The following FLT3LG variants were observed in gnomAD, a reference collection of about 807,000 sequenced individuals.
The protein encoded by FLT3LG is fms related receptor tyrosine kinase 3 ligand, also known as fms-related tyrosine kinase 3 ligand.
In FLT3LG, 8 loss-of-function variants were observed where a neutral mutation model predicts 30.9. The observed-to-expected ratio is 0.26, with a 90% CI of 0.15 to 0.47. The LOEUF is 0.47. Among genes scored for constraint, FLT3LG ranks in the 20% least tolerant of loss-of-function variants. The pLI is 0.99. For missense variants in FLT3LG, 278 were observed against 306.2 expected (o/e 0.91, Z 0.69); for synonymous variants, 123 against 135.9 (o/e 0.91, Z 0.66).
Position 49,478,159 on chromosome 19 carries a change from TATAAATAA to T in FLT3LG, c.343-730_343-723del, listed in dbSNP as rs60871456. ...GAGAAACCCCGTTTCTACTAAAAAA[TATAAATAA>T]ATAAATAAATAAATAAATAGGCTGG... On this transcript the variant is annotated intron_variant, in intron 5 of 8. Coordinates refer to ENST00000597551, the MANE Select transcript of FLT3LG (RefSeq NM_001459.4). Among the ~76,000 whole-genome samples the T allele has an allele frequency of 9.7e-3, 1,359 of 140,402 alleles. 20 individuals are homozygous for T. Among genetic ancestry groups the T allele is most frequent in the African/African-American group, 0.033 (1,273 of 38,126 alleles). 92.1% of individuals were successfully genotyped at this position (140,402 alleles called of 152,430 possible).
At position 49,476,533 on chromosome 19, in the gene FLT3LG, G is replaced by T. The variant is rs758534099; in HGVS notation, c.309G>T (p.Thr103=). 1.7e-5 allele frequency: 28 copies of T among 1,614,048 alleles called. No individual in the cohort carries two copies. The highest frequency in any genetic ancestry group is 2.4e-5 in the Non-Finnish European group (28 of 1,180,032). The change falls in exon 5 of 9, where the codon ACG becomes ACT. Residue 103 remains threonine (T), a synonymous_variant. Transcript: ENST00000597551. This position sits in a 1 kb window ranked among gnomAD's most constrained non-coding sequence, Gnocchi z 5.3. Reference sequence around the variant, plus strand: ...AAGGCTTGCTGGAGCGCGTGAACACGGAGATACACTTTGTCACCAAATGTG... The same window carrying T: ...AAGGCTTGCTGGAGCGCGTGAACACTGAGATACACTTTGTCACCAAATGTG... ...KMQGLLERVN[T]EIHFVTKCAF...
chr19:49,475,759 C>G lies in FLT3LG; in HGVS notation c.102C>G (p.His34Gln). 1 of 1,612,638 alleles carries G rather than the reference C, an allele frequency of 6.2e-7. No individual in the cohort carries two copies. Among genetic ancestry groups the G allele is most frequent in the Non-Finnish European group, 8.5e-7 (1 of 1,179,906 alleles). Residue 34 changes from histidine to glutamine, a missense_variant, in exon 3 of 9, where the codon CAC (histidine) becomes CAG (glutamine). Physicochemically the swap from His to Gln is conservative, Grantham distance 24. Around this residue, in one of 3 missense-constraint regions of FLT3LG, gnomAD observed 68 missense variants for 110.0 expected, o/e 0.62. Coordinates refer to ENST00000597551, the MANE Select transcript of FLT3LG (RefSeq NM_001459.4). ...LSGTQDCSFQ[H>Q]SPISSDFAVK... ...GGACCCAGGACTGCTCCTTCCAACA[C>G]AGCCCCATCTCCTCCGACTTCGCTG...
chr19:49,478,865 TG>T, intron 5 of FLT3LG, 43 bp from the exon 6 acceptor site: 2 of 1,464,526 alleles, frequency 1.4e-6, no homozygotes, highest in Non-Finnish European at 9.1e-7. Context: ...GGAGGGGCGG[TG>T]GGGGGATGAC....
intron 1 of FLT3LG, 47 bp downstream of exon 1, chr19:49,474,328 G>C (rs1440027164): frequency 3.7e-6 from 2 of 539,922 alleles, no homozygotes; most frequent in Non-Finnish European, 6.6e-6. Flanking sequence ...GCGGAGCCAG[G>C]GTCCCCACTC....
chr19:49,476,941 G>A lies in FLT3LG; in HGVS notation c.342+375G>A, dbSNP rs893364092. Among the ~76,000 whole-genome samples, 40 of 152,008 alleles carry A rather than the reference G, an allele frequency of 2.6e-4. No individual in the cohort carries two copies. The highest frequency in any genetic ancestry group is 8.9e-4 in the African/African-American group (37 of 41,376). ...GTGGGCGGATCACTTGAGGTCAGGA[G>A]TTTGAGACCAGCCTGGCCAACATGA... On this transcript the variant is annotated intron_variant, in intron 5 of 8. Transcript: ENST00000597551. The surrounding 1 kb of genome is among the most constrained non-coding windows in gnomAD (Gnocchi z 5.3).
chr19:49,474,525 G>T, intron 1 of FLT3LG, 78 bp from the exon 2 acceptor site: 1 of 1,032,188 alleles, frequency 9.7e-7, no homozygotes. Flanking sequence ...GACGCGGGAG[G>T]GGCGGGGAGG....
intron 8 of FLT3LG, chr19:49,482,170 G>C (rs1415930267): frequency 6.6e-6 from 1 of 150,760 alleles, no homozygotes; most frequent in Non-Finnish European, 1.5e-5. Context: ...CTGTCGCCCA[G>C]GCTGTAGTGC....
Position 49,480,369 on chromosome 19 carries a change from C to T in FLT3LG, c.553C>T (p.Pro185Ser), listed in dbSNP as rs370187231. The change falls in exon 7 of 9, where the codon CCT (proline) becomes TCT (serine). Residue 185 changes from proline (P) to serine (S), a missense_variant. Around this residue, in one of 3 missense-constraint regions of FLT3LG, gnomAD observed 170 missense variants for 162.0 expected, o/e 1.05. Coordinates refer to ENST00000597551, the MANE Select transcript of FLT3LG (RefSeq NM_001459.4). The part of the protein sequence containing the change: ...EATAPTAPQP[P>S]LLLLLLLPVG... The stretch of plus-strand genomic sequence containing the variant: ...CACAGCCCCGACAGCCCCGCAGCCC[C>T]CTCTGCTCCTCCTACTGCTGCTGCC... The T allele has an allele frequency of 1.2e-6, 2 of 1,610,474 alleles. No individual in the cohort carries two copies. Among genetic ancestry groups the T allele is most frequent in the Non-Finnish European group, 8.5e-7 (1 of 1,178,740 alleles).
chr19:49,486,183 C>G lies in FLT3LG; in HGVS notation c.*190C>G, dbSNP rs1601152679. ...CCGGCCCCATTTACCCAACTCTGTA[C>G]AAAGCCCTTGTCCCCATGAAATTGT... On this transcript the variant is annotated 3_prime_UTR_variant, in exon 9 of 9. Coordinates refer to ENST00000597551, the MANE Select transcript of FLT3LG (RefSeq NM_001459.4). The G allele has an allele frequency of 1.3e-5, 2 of 152,818 alleles. No individual in the cohort carries two copies. Among genetic ancestry groups the G allele is most frequent in the Admixed American group, 6.5e-5 (1 of 15,288 alleles). 9.5% of individuals were successfully genotyped at this position (152,818 alleles called of 1,614,324 possible).
rs752351114 is a variant in FLT3LG, at chr19:49,478,910, C to G, written c.344C>G (p.Pro115Arg). Residue 115 changes from proline (P) to arginine (R), a missense_variant and splice_region_variant, in exon 6 of 9, where the codon CCC becomes CGC. Physicochemically the swap from Pro to Arg is moderately radical, Grantham distance 103. Coordinates refer to ENST00000597551, the MANE Select transcript of FLT3LG (RefSeq NM_001459.4). ...IHFVTKCAFQ[P>R]PPSCLRFVQT... is the part of the protein sequence containing the mutation. ...GACGTCTCCCTCCCCTGCTCCCAGC[C>G]CCCCCCCAGCTGTCTTCGCTTCGTC... 38 of 1,528,458 alleles carry G rather than the reference C, an allele frequency of 2.5e-5. No individual in the cohort carries two copies. Among genetic ancestry groups the G allele is most frequent in the South Asian group, 4.9e-5 (4 of 81,740 alleles). 94.7% of individuals were successfully genotyped at this position (1,528,458 alleles called of 1,614,324 possible). A position where few individuals can be genotyped will look rare whatever the true frequency, so the allele number is the denominator to read the frequency against.
chr19:49,477,647 C>A (rs2079440729), intron 5 of FLT3LG, among the ~76,000 whole-genome samples: 1 of 151,978 alleles, frequency 6.6e-6, no homozygotes, highest in African/African-American at 2.4e-5. Context: ...GAGACTGAGG[C>A]AGGAGAATTG....
rs768943794 is a variant in FLT3LG, at chr19:49,480,316, C to T, written c.500C>T (p.Pro167Leu). The T allele has an allele frequency of 6.2e-7, 1 of 1,604,272 alleles. No homozygotes were observed. Among genetic ancestry groups the T allele is most frequent in the Non-Finnish European group, 8.5e-7 (1 of 1,174,052 alleles). Residue 167 changes from proline to leucine, a missense_variant, in exon 7 of 9, where the codon CCC becomes CTC. By Grantham distance (98) the Pro-to-Leu change is moderately conservative. Transcript: ENST00000597551. ...TCCCCAGACTCCTCAACCCTGCCAC[C>T]CCCATGGAGTCCCCGGCCCCTGGAG... ...QCQPDSSTLP[P>L]PWSPRPLEAT...
In FLT3LG at chr19:49,476,679, G is replaced by A; in HGVS notation, c.342+113G>A. 6.9e-7 allele frequency: 1 copy of A among 1,452,910 alleles called. No homozygotes were observed. The allele number at this position is 1,452,910 out of a possible 1,614,324, so 90.0% of individuals were successfully genotyped here. A position where few individuals can be genotyped will look rare whatever the true frequency, so the allele number is the denominator to read the frequency against. Reference sequence around the variant, plus strand: ...TTTGGACCATAGCCACCCAACGAAGGTAGAGCGAGAAGCGCCACCCTGCAG... The same window carrying A: ...TTTGGACCATAGCCACCCAACGAAGATAGAGCGAGAAGCGCCACCCTGCAG... On this transcript the variant is annotated intron_variant, in intron 5 of 8. Transcript: ENST00000597551. The surrounding 1 kb of genome is among the most constrained non-coding windows in gnomAD (Gnocchi z 5.3).
intron 5 of FLT3LG, among the ~76,000 whole-genome samples, chr19:49,477,374 G>A (rs1011948620): frequency 2.0e-5 from 3 of 151,566 alleles, no homozygotes. Flanking sequence ...AGCCCTGGAG[G>A]TCGAGGCTGC....
At chr19:49,475,510 G>A (rs748461701) in intron 2 of FLT3LG, among the ~76,000 whole-genome samples, 181 bp from the exon 3 acceptor site, 1 of 152,008 alleles carries the variant, frequency 6.6e-6, no homozygotes, top group Non-Finnish European at 1.5e-5. Flanking sequence ...TGGACCAGAG[G>A]CAGAGAGAAA....
intron 8 of FLT3LG, among the ~76,000 whole-genome samples, chr19:49,484,717 G>A (rs982880874): frequency 4.0e-5 from 6 of 151,896 alleles, no homozygotes; most frequent in South Asian, 4.2e-4. Context: ...GGCTGATCTC[G>A]AACTCCTGAC....
intron 1 of FLT3LG, 101 bp downstream of exon 1, chr19:49,474,382 C>G: frequency 1.7e-6 from 1 of 581,506 alleles, no homozygotes; most frequent in East Asian, 2.9e-5. Context: ...GTTCCCGGGT[C>G]CCTAACCTGG....
chr19:49,480,639 A>G lies in FLT3LG; in HGVS notation c.*21+19A>G, dbSNP rs367774395. The stretch of plus-strand genomic sequence containing the variant: ...CATCCTGGTGAGTCCTTCCTGGGCT[A>G]TGGGGCCTGGACTTTGTGTCTGCAG... On this transcript the variant is annotated intron_variant, in intron 8 of 8. Transcript: ENST00000597551. 401 of 1,594,158 alleles carry G rather than the reference A, an allele frequency of 2.5e-4. No individual in the cohort carries two copies. Among genetic ancestry groups the G allele is most frequent in the Middle Eastern group, 1.5e-3 (9 of 5,812 alleles).
intron 2 of FLT3LG, among the ~76,000 whole-genome samples, chr19:49,474,899 A>C (rs1161695069): frequency 1.1e-5 from 1 of 92,776 alleles, no homozygotes; most frequent in African/African-American, 5.8e-5. Context: ...GAGGAGAGGG[A>C]GATAGAGAGG....
Sources: allele counts gnomAD v4.1 joint callset (sites outside exome capture counted in the v4.1 genomes callset), GRCh38; gene constraint gnomAD v4.1.1; regional missense constraint gnomAD v4.1.1; non-coding constraint Gnocchi (gnomAD v3.1); transcripts MANE v1.5; gene names NCBI Gene and HGNC (gene_info 2026-07-23, HGNC 2026-07-21).